The following GATAD2B variants were observed in gnomAD, a reference collection of about 807,000 sequenced individuals.
The protein encoded by GATAD2B is transcriptional repressor p66-beta.
GATAD2B carries 8 observed loss-of-function variants against 64.3 expected under a neutral mutation model. The ratio of observed to expected loss-of-function variants is 0.12; its 90% CI spans 0.07 to 0.22. The LOEUF is 0.22. GATAD2B is among the 10% of genes least tolerant of loss of function. The pLI is 1.00. For synonymous variants in GATAD2B, 281 were observed against 271.3 expected, an observed-to-expected ratio of 1.04 and a Z score of -0.35; for missense variants, 453 against 752.0, an observed-to-expected ratio of 0.60 and a Z score of 4.65.
At chr1:153,846,324 C>T (rs950686708) in intron 1 of GATAD2B, among the ~76,000 whole-genome samples, 4 of 151,952 alleles carry the variant, frequency 2.6e-5, no homozygotes, top group Admixed American at 6.6e-5. Flanking sequence ...CCTCTGCCTC[C>T]GAGGTTCAAG....
intron 5 of GATAD2B, 122 bp from the exon 6 acceptor site, chr1:153,817,664 G>T: frequency 1.6e-6 from 1 of 619,324 alleles, no homozygotes. Flanking sequence ...CAGGAACACA[G>T]CCAGACTTGG....
chr1:153,843,830 A>AC lies in GATAD2B; in HGVS notation c.-1-15483_-1-15482insG, dbSNP rs1160581970. Among the ~76,000 whole-genome samples the AC allele has an allele frequency of 2.6e-5, 4 of 151,888 alleles. No homozygotes were observed. The East Asian group carries it at 5.8e-4, about 22-fold the overall frequency. On this transcript the variant is annotated intron_variant, in intron 1 of 10. Coordinates refer to ENST00000368655, the MANE Select transcript of GATAD2B (RefSeq NM_020699.4). Reference sequence around the variant, plus strand: ...CACCACCACCAAAAAAAAAAAAAAAAAACCCAAACAAAAACCATAAAAACA... The same window carrying AC: ...CACCACCACCAAAAAAAAAAAAAAAACAACCCAAACAAAAACCATAAAAACA...
intron 1 of GATAD2B, among the ~76,000 whole-genome samples, chr1:153,892,692 C>CTT (rs144331770): frequency 1.1e-3 from 104 of 97,782 alleles, no homozygotes; most frequent in Non-Finnish European, 1.2e-3. Context: ...TGTAAGAAAC[C>CTT]TTTTTTTTTT....
intron 1 of GATAD2B, among the ~76,000 whole-genome samples, chr1:153,905,553 GAAAA>G (rs769120730): frequency 3.1e-4 from 20 of 64,658 alleles, no homozygotes; most frequent in Non-Finnish European, 6.0e-4. Flanking sequence ...AACAATTTTG[GAAAA>G]AAAAAAAAAA....
At chr1:153,855,385 C>T (rs1327999586) in intron 1 of GATAD2B, among the ~76,000 whole-genome samples, 6 of 151,838 alleles carry the variant, frequency 4.0e-5, no homozygotes, top group Non-Finnish European at 5.9e-5. Context: ...GGTGTCCCCA[C>T]GCCCGGCTAA....
intron 1 of GATAD2B, among the ~76,000 whole-genome samples, chr1:153,841,263 T>C (rs957569906): frequency 2.0e-5 from 3 of 152,150 alleles, no homozygotes; most frequent in East Asian, 1.9e-4. Context: ...TCAACATTGA[T>C]ACAATAAGCA....
chr1:153,909,100 G>A (rs1195003197), intron 1 of GATAD2B, among the ~76,000 whole-genome samples: 1 of 152,142 alleles, frequency 6.6e-6, no homozygotes, highest in African/African-American at 2.4e-5. Context: ...AGCTACTTGG[G>A]AGACTAAGGC....
intron 1 of GATAD2B, among the ~76,000 whole-genome samples, chr1:153,846,557 C>CTTTTT (rs887230575): frequency 3.3e-4 from 38 of 113,866 alleles, no homozygotes; most frequent in East Asian, 5.1e-4. Flanking sequence ...TCTTTGCGTT[C>CTTTTT]TTTTTTTTTT....
At chr1:153,882,593 T>G (rs560121884) in intron 1 of GATAD2B, among the ~76,000 whole-genome samples, 2 of 150,454 alleles carry the variant, frequency 1.3e-5, no homozygotes, top group Non-Finnish European at 1.5e-5. Flanking sequence ...GTTATGTATA[T>G]TTTACTGCAA....
At chr1:153,885,144 G>T (rs182292571) in intron 1 of GATAD2B, among the ~76,000 whole-genome samples, 2 of 152,166 alleles carry the variant, frequency 1.3e-5, no homozygotes, top group East Asian at 3.9e-4. Context: ...ACAATTAGAG[G>T]CTGGCTCCAA....
At chr1:153,831,173 T>C (rs1675067245) in intron 1 of GATAD2B, among the ~76,000 whole-genome samples, 1 of 152,208 alleles carries the variant, frequency 6.6e-6, no homozygotes, top group Admixed American at 6.5e-5. Context: ...AATGAGTTCA[T>C]GTCCTTTGCA....
intron 1 of GATAD2B, chr1:153,889,766 T>C (rs879369021): frequency 4.8e-4 from 101 of 212,310 alleles, no homozygotes; most frequent in Non-Finnish European, 7.3e-4. Flanking sequence ...TTGAAGCTTG[T>C]GGTGGGCACA....
rs748051214 is a variant in GATAD2B, at chr1:153,810,278, C to T, written c.1681G>A (p.Gly561Arg). ...VNIAYLNTGI[G>R]GHKGPSLADR... ...GCCAAACTGGGGCCTTTGTGTCCTC[C>T]GATGCCAGTATTCAAGTATGCAATG... Residue 561 changes from glycine (G) to arginine (R), a missense_variant, in exon 11 of 11, where the codon GGA becomes AGA. Gly to Arg is a moderately radical substitution (Grantham distance 125, BLOSUM62 -2). Transcript: ENST00000368655. The T allele has an allele frequency of 6.2e-6, 10 of 1,613,000 alleles. No individual in the cohort carries two copies. Among genetic ancestry groups the T allele is most frequent in the African/African-American group, 2.7e-5 (2 of 74,818 alleles).
chr1:153,919,712 A>C (rs1451022143), intron 1 of GATAD2B, among the ~76,000 whole-genome samples: 1 of 152,242 alleles, frequency 6.6e-6, no homozygotes, highest in African/African-American at 2.4e-5. Flanking sequence ...TCTATGTGGT[A>C]TTGTCTGATA....
chr1:153,914,191 C>G (rs1254367164), intron 1 of GATAD2B, among the ~76,000 whole-genome samples: 2 of 128,808 alleles, frequency 1.6e-5, no homozygotes, highest in African/African-American at 6.1e-5. Flanking sequence ...TGCAGTGAGC[C>G]GAGATCATGC....
intron 1 of GATAD2B, among the ~76,000 whole-genome samples, chr1:153,861,793 A>AAAAAAAAAAAAAAAAAAAAAAAATATAT (rs1676295078): frequency 1.2e-5 from 1 of 81,864 alleles, no homozygotes; most frequent in African/African-American, 4.0e-5. Context: ...AAAAAAAAAA[A>AAAAAAAAAAAAAAAAAAAAAAAATATAT]AAATATATAT....
chr1:153,891,618 A>C, intron 1 of GATAD2B, among the ~76,000 whole-genome samples: 1 of 103,250 alleles, frequency 9.7e-6, no homozygotes, highest in Non-Finnish European at 1.9e-5. Flanking sequence ...GGGAGAGGCA[A>C]AGGGAAGGAA....
chr1:153,882,100 T>C (rs1209640571), intron 1 of GATAD2B, among the ~76,000 whole-genome samples: 1 of 152,264 alleles, frequency 6.6e-6, no homozygotes, highest in East Asian at 1.9e-4. Context: ...CATGGAATTA[T>C]CTCTTAATTT....
At chr1:153,883,669 G>A (rs893642048) in intron 1 of GATAD2B, among the ~76,000 whole-genome samples, 1 of 150,834 alleles carries the variant, frequency 6.6e-6, no homozygotes, top group Non-Finnish European at 1.5e-5. Flanking sequence ...TAATTCCCAC[G>A]TGAGTCTGCT....
Sources: gnomAD v4.1 joint callset for allele counts (sites outside exome capture counted in the v4.1 genomes callset) on GRCh38, gnomAD v4.1.1 for gene constraint, MANE v1.5 for transcripts, NCBI Gene and HGNC (gene_info 2026-07-23, HGNC 2026-07-21) for gene names.